WNK1: variants seen among roughly 807,000 people sequenced by gnomAD.
WNK1 encodes WNK lysine deficient protein kinase 1, also known as serine/threonine-protein kinase WNK1.
In WNK1, 38 loss-of-function variants were observed where a neutral mutation model predicts 222.8. The ratio of observed to expected loss-of-function variants is 0.17; its 90% CI spans 0.13 to 0.22. WNK1 has a LOEUF of 0.22. Ranked by LOEUF, WNK1 falls within the 10% of genes least tolerant of loss-of-function variation. WNK1 has a pLI of 1.00. For missense variants in WNK1, 2,348 were observed against 2,918.4 expected, an observed-to-expected ratio of 0.80 and a Z score of 4.50; for synonymous variants, 1,090 against 1,092.9, an observed-to-expected ratio of 1.00 and a Z score of 0.05.
At chr12:760,940 A>ATTT (rs11284313) in intron 1 of WNK1, among the ~76,000 whole-genome samples, 7 of 130,088 alleles carry the variant, frequency 5.4e-5, no homozygotes, top group African/African-American at 1.9e-4. Context: ...CACCCGGCTA[A>ATTT]TTTTTTTTTT....
intron 26 of WNK1, among the ~76,000 whole-genome samples, chr12:905,568 GTTTT>G (rs1288884698): frequency 6.6e-6 from 1 of 152,152 alleles, no homozygotes; most frequent in Non-Finnish European, 1.5e-5. Context: ...GATTATTTCT[GTTTT>G]TTGTTTTGAT....
Position 817,029 on chromosome 12 carries a change from A to G in WNK1, c.932+3215A>G, listed in dbSNP as rs557204277. Among the ~76,000 whole-genome samples, 13 of 152,360 alleles carry G rather than the reference A, an allele frequency of 8.5e-5. No individual in the cohort carries two copies. In the South Asian group the frequency reaches 1.0e-3, roughly 12 times the overall value. On this transcript the variant is annotated intron_variant, in intron 2 of 27. Coordinates refer to ENST00000315939, the MANE Select transcript of WNK1 (RefSeq NM_018979.4). ...AAGCTTCTGAAGAACTTCTAGAAAT[A>G]AGAACATTAAAATTCAAACATAAAT...
chr12:907,363 G>T (rs989490306), intron 26 of WNK1, among the ~76,000 whole-genome samples: 5 of 150,748 alleles, frequency 3.3e-5, no homozygotes, highest in Non-Finnish European at 7.4e-5. Context: ...GTGTCCAATG[G>T]TTTGGAAACC....
intron 9 of WNK1, among the ~76,000 whole-genome samples, chr12:876,268 G>A (rs1952600577): frequency 6.6e-6 from 1 of 152,246 alleles, no homozygotes; most frequent in East Asian, 1.9e-4. Context: ...AATTAGCCGG[G>A]CGTGGTGGCA....
At chr12:796,878 A>G (rs543169956) in intron 1 of WNK1, among the ~76,000 whole-genome samples, 4 of 120,028 alleles carry the variant, frequency 3.3e-5, no homozygotes, top group East Asian at 1.1e-3. Context: ...AGCATGATCA[A>G]TCTTATGAAG....
chr12:900,404 A>T, intron 25 of WNK1, 72 bp from the exon 26 acceptor site: 1 of 1,552,806 alleles, frequency 6.4e-7, no homozygotes, highest in Non-Finnish European at 8.9e-7. Flanking sequence ...AACCAAATGT[A>T]TAAGAACAGT....
intron 1 of WNK1, among the ~76,000 whole-genome samples, chr12:768,245 C>T (rs538994199): frequency 6.6e-6 from 1 of 152,246 alleles, no homozygotes; most frequent in South Asian, 2.1e-4. Flanking sequence ...AGGCAATTAT[C>T]GTTCCTCAAC....
At position 884,908 on chromosome 12, in the gene WNK1, A is replaced by G. The variant is rs142787842; in HGVS notation, c.4104A>G (p.Thr1368=). ...ATSSPPNDIS[T]SVIQSEVTVP... ...GCAGCCCTCCTAATGACATTTCCACATCAGTAATTCAGTCTGAGGTTACAG... is the reference window on the plus strand; with the variant it reads ...GCAGCCCTCCTAATGACATTTCCACGTCAGTAATTCAGTCTGAGGTTACAG... Residue 1368 remains threonine (T), a synonymous_variant, in exon 19 of 28, where the codon ACA becomes ACG. Coordinates refer to ENST00000315939, the MANE Select transcript of WNK1 (RefSeq NM_018979.4). This position sits in a 1 kb window ranked among gnomAD's most constrained non-coding sequence, Gnocchi z 5.6. 4.2e-5 allele frequency: 68 copies of G among 1,614,154 alleles called. No homozygotes were observed. The African/African-American group carries it at 8.5e-4, about 20-fold the overall frequency.
chr12:772,815 G>A (rs1259707464), intron 1 of WNK1, among the ~76,000 whole-genome samples: 1 of 152,012 alleles, frequency 6.6e-6, no homozygotes, highest in Non-Finnish European at 1.5e-5. Flanking sequence ...TTCACTTCCA[G>A]TCTTTGTTCA....
At chr12:822,097 T>A (rs1180574950) in intron 2 of WNK1, among the ~76,000 whole-genome samples, 3 of 138,084 alleles carry the variant, frequency 2.2e-5, no homozygotes, top group African/African-American at 8.0e-5. Flanking sequence ...CTTTTTTTTT[T>A]TTTTTTTTTT....
At chr12:767,998 A>T (rs576155517) in intron 1 of WNK1, among the ~76,000 whole-genome samples, 32 of 152,244 alleles carry the variant, frequency 2.1e-4, no homozygotes, top group African/African-American at 7.7e-4. Flanking sequence ...AAAAAAAGCC[A>T]CCAGCCATTA....
intron 20 of WNK1, among the ~76,000 whole-genome samples, chr12:888,442 G>C (rs1221682317): frequency 6.6e-6 from 1 of 152,198 alleles, no homozygotes; most frequent in African/African-American, 2.4e-5. Flanking sequence ...TAGCAAGTGA[G>C]ACATGTGGAG....
intron 5 of WNK1, 58 bp downstream of exon 5, chr12:857,307 T>G: frequency 1.4e-6 from 2 of 1,401,228 alleles, no homozygotes; most frequent in Non-Finnish European, 2.0e-6. Context: ...AGTAATGTGC[T>G]TTGAGTACAA....
At chr12:898,888 A>G (rs959376621) in intron 25 of WNK1, among the ~76,000 whole-genome samples, 1 of 152,004 alleles carries the variant, frequency 6.6e-6, no homozygotes, top group Non-Finnish European at 1.5e-5. Flanking sequence ...TTACAGGCAC[A>G]TGTCACCATG....
intron 1 of WNK1, among the ~76,000 whole-genome samples, chr12:791,225 C>CCCCACACACA (rs1555091491): frequency 6.9e-6 from 1 of 145,188 alleles, no homozygotes; most frequent in Non-Finnish European, 1.5e-5. Flanking sequence ...ATTTCTCTCA[C>CCCCACACACA]CACACACACA....
rs1956052599 is a variant in WNK1, at chr12:911,129, G to A, written c.*2337G>A. On this transcript the variant is annotated 3_prime_UTR_variant, in exon 28 of 28. Coordinates refer to ENST00000315939, the MANE Select transcript of WNK1 (RefSeq NM_018979.4). Reference sequence around the variant, plus strand: ...CTGTTGATTTCATCCTCCTGTGTATGAAATAACAAGCCTAGAGGAATGAAC... The same window carrying A: ...CTGTTGATTTCATCCTCCTGTGTATAAAATAACAAGCCTAGAGGAATGAAC... 2 of 395,572 alleles carry A rather than the reference G, an allele frequency of 5.1e-6. No individual in the cohort carries two copies. Among genetic ancestry groups the A allele is most frequent in the African/African-American group, 2.1e-5 (1 of 48,550 alleles). The allele number at this position is 395,572 out of a possible 1,614,324, so 24.5% of individuals were successfully genotyped here. A position where few individuals can be genotyped will look rare whatever the true frequency, so the allele number is the denominator to read the frequency against.
At position 753,314 on chromosome 12, in the gene WNK1, G is replaced by A; in HGVS notation, c.-252G>A. On this transcript the variant is annotated 5_prime_UTR_variant, in exon 1 of 28. Transcript: ENST00000315939. The surrounding 1 kb of genome is among the most constrained non-coding windows in gnomAD (Gnocchi z 5.2). ...GTGCGGCGCTAACCCCCGTGGCTCA[G>A]CTCCCGAATCGCCCGCCTTCGAGCC... The A allele has an allele frequency of 5.4e-6, 3 of 558,816 alleles. No individual in the cohort carries two copies. Among genetic ancestry groups the A allele is most frequent in the East Asian group, 3.2e-5 (1 of 31,698 alleles). 34.6% of individuals were successfully genotyped at this position (558,816 alleles called of 1,614,324 possible). A position where few individuals can be genotyped will look rare whatever the true frequency, so the allele number is the denominator to read the frequency against.
intron 4 of WNK1, among the ~76,000 whole-genome samples, chr12:840,661 C>G (rs1015281204): frequency 6.6e-6 from 1 of 151,990 alleles, no homozygotes; most frequent in African/African-American, 2.4e-5. Flanking sequence ...ACTATTAGGC[C>G]CTTAACAGGA....
chr12:856,781 A>AGTTAAAT lies in WNK1; in HGVS notation c.1312-378_1312-372dup, dbSNP rs1329563543. ...CACACATGGGTTCAGTGTTCAAAATAGTTAAATGCTGTATTGATTTATGTG... is the reference window on the plus strand; with the variant it reads ...CACACATGGGTTCAGTGTTCAAAATAGTTAAATGTTAAATGCTGTATTGATTTATGTG... On this transcript the variant is annotated intron_variant, in intron 4 of 27. Transcript: ENST00000315939. 2.6e-5 allele frequency among the ~76,000 whole-genome samples: 4 copies of AGTTAAAT among 152,378 alleles called. No homozygotes were observed. In the East Asian group the frequency reaches 7.7e-4, roughly 29 times the overall value.
Sources: gnomAD v4.1 joint callset for allele counts (sites outside exome capture counted in the v4.1 genomes callset) on GRCh38, gnomAD v4.1.1 for gene constraint, Gnocchi (gnomAD v3.1) non-coding constraint, MANE v1.5 for transcripts, NCBI Gene and HGNC (gene_info 2026-07-23, HGNC 2026-07-21) for gene names.